The following CRACD variants were observed in gnomAD, a reference collection of about 807,000 sequenced individuals.
CRACD encodes capping protein-inhibiting regulator of actin dynamics.
A neutral mutation model predicts 106.8 loss-of-function variants in CRACD; 56 were observed. That is an observed-to-expected ratio of 0.52 (90% CI 0.42 to 0.66). The LOEUF is 0.66. Ranked by LOEUF, CRACD falls within the 30% of genes least tolerant of loss-of-function variation. CRACD has a pLI of 0.00. For missense variants in CRACD, 1,730 were observed against 1,623.2 expected (o/e 1.07, Z -1.13); for synonymous variants, 754 against 670.8 (o/e 1.12, Z -1.92).
At chr4:56,057,625 GTTT>G (rs1196589410) in intron 1 of CRACD, among the ~76,000 whole-genome samples, 1 of 125,054 alleles carries the variant, frequency 8.0e-6, no homozygotes. Flanking sequence ...GATAGGTTGG[GTTT>G]TTTTTTTTTT....
intron 3 of CRACD, among the ~76,000 whole-genome samples, chr4:56,280,863 C>G (rs1337613170): frequency 6.6e-6 from 1 of 152,184 alleles, no homozygotes; most frequent in African/African-American, 2.4e-5. Flanking sequence ...ATTGATTCAC[C>G]TGACCTTGCT....
At chr4:56,243,352 A>G (rs1417665600) in intron 2 of CRACD, among the ~76,000 whole-genome samples, 1 of 152,224 alleles carries the variant, frequency 6.6e-6, no homozygotes, top group Non-Finnish European at 1.5e-5. Flanking sequence ...TGGTGGAACA[A>G]CAAAATAGGA....
intron 1 of CRACD, among the ~76,000 whole-genome samples, chr4:56,087,700 G>A (rs1560447094): frequency 6.6e-6 from 1 of 152,128 alleles, no homozygotes; most frequent in African/African-American, 2.4e-5. Context: ...GGACATAACT[G>A]GTTCAATGCC....
At chr4:56,307,984 C>T (rs1190528607) in intron 5 of CRACD, among the ~76,000 whole-genome samples, 1 of 152,212 alleles carries the variant, frequency 6.6e-6, no homozygotes, top group Admixed American at 6.5e-5. Context: ...GGCCTCACCC[C>T]AAGCTGTACT....
intron 2 of CRACD, among the ~76,000 whole-genome samples, chr4:56,205,136 A>G (rs1425643194): frequency 6.6e-6 from 1 of 152,180 alleles, no homozygotes; most frequent in Non-Finnish European, 1.5e-5. Context: ...AGCCTTGGCA[A>G]CAGAGTAAGA....
intron 1 of CRACD, among the ~76,000 whole-genome samples, chr4:56,060,634 G>T (rs1732237907): frequency 6.6e-6 from 1 of 152,126 alleles, no homozygotes; most frequent in African/African-American, 2.4e-5. Flanking sequence ...ACAATTTGGA[G>T]AGATGGAAAA....
chr4:56,235,100 G>T (rs993528657), intron 2 of CRACD, among the ~76,000 whole-genome samples: 1 of 152,086 alleles, frequency 6.6e-6, no homozygotes, highest in African/African-American at 2.4e-5. Flanking sequence ...GATTTTAAAA[G>T]AAATAAAATG....
At chr4:56,109,314 A>G (rs981148838) in intron 1 of CRACD, among the ~76,000 whole-genome samples, 14 of 152,086 alleles carry the variant, frequency 9.2e-5, no homozygotes, top group African/African-American at 3.1e-4. Context: ...GATCATCTCT[A>G]TATCTAATTT....
chr4:56,097,064 G>T (rs1342379572), intron 1 of CRACD, among the ~76,000 whole-genome samples: 1 of 152,142 alleles, frequency 6.6e-6, no homozygotes, highest in African/African-American at 2.4e-5. Context: ...TAATGGATGA[G>T]GCCTGGTGCA....
intron 2 of CRACD, among the ~76,000 whole-genome samples, chr4:56,214,217 A>G (rs910198210): frequency 1.3e-5 from 2 of 152,160 alleles, no homozygotes; most frequent in African/African-American, 4.8e-5. Flanking sequence ...CTGTCACTCC[A>G]CATAATGAAA....
At chr4:56,104,865 G>A (rs1314104375) in intron 1 of CRACD, among the ~76,000 whole-genome samples, 1 of 151,728 alleles carries the variant, frequency 6.6e-6, no homozygotes, top group African/African-American at 2.4e-5. Flanking sequence ...TACTCGGGAG[G>A]CTGAGGCAGG....
chr4:56,152,997 G>T (rs1004258290), intron 1 of CRACD, among the ~76,000 whole-genome samples: 4 of 152,050 alleles, frequency 2.6e-5, no homozygotes, highest in African/African-American at 9.7e-5. Context: ...TACAATTCCT[G>T]GCCAGGTGCA....
intron 2 of CRACD, among the ~76,000 whole-genome samples, chr4:56,236,668 CAAT>C (rs1739984419): frequency 6.6e-6 from 1 of 150,388 alleles, no homozygotes; most frequent in Non-Finnish European, 1.5e-5. Context: ...AAAGAATGCT[CAAT>C]ACCTTGAAAA....
At position 56,330,336 on chromosome 4, in the gene CRACD, CATT is replaced by C. The variant is rs1746732487; in HGVS notation, c.*2537_*2539del. 6.6e-6 allele frequency among the ~76,000 whole-genome samples: 1 copy of C among 151,950 alleles called. No individual in the cohort carries two copies. The highest frequency in any genetic ancestry group is 6.6e-5 in the Admixed American group (1 of 15,262). ...CAAGTGCAATTGTTTCTTACACAGA[CATT>C]ATTACTATTAAATTATCATTTAGCC... On this transcript the variant is annotated 3_prime_UTR_variant, in exon 11 of 11. Transcript: ENST00000682029.
chr4:56,228,328 C>T (rs971034260), intron 2 of CRACD, among the ~76,000 whole-genome samples: 13 of 152,052 alleles, frequency 8.5e-5, no homozygotes, highest in Non-Finnish European at 5.9e-5. Context: ...GACTTCAGTA[C>T]GTTAAACTTA....
intron 1 of CRACD, among the ~76,000 whole-genome samples, chr4:56,174,872 G>A (rs1384043221): frequency 6.6e-6 from 1 of 152,144 alleles, no homozygotes; most frequent in East Asian, 1.9e-4. Context: ...ATGATTGGGA[G>A]GCCTCAAAAA....
At chr4:56,146,835 G>A (rs1735399868) in intron 1 of CRACD, among the ~76,000 whole-genome samples, 1 of 152,132 alleles carries the variant, frequency 6.6e-6, no homozygotes, top group African/African-American at 2.4e-5. Context: ...CTGCTCAGAA[G>A]TCAAAGCATG....
intron 1 of CRACD, among the ~76,000 whole-genome samples, chr4:56,059,992 C>A (rs1174915975): frequency 6.6e-6 from 1 of 152,146 alleles, no homozygotes; most frequent in African/African-American, 2.4e-5. Context: ...CCTATAACTT[C>A]TAACTTGAAA....
chr4:56,323,371 C>T lies in CRACD; in HGVS notation c.3188-6C>T, dbSNP rs368072451. 2.5e-6 allele frequency: 4 copies of T among 1,591,794 alleles called. No individual in the cohort carries two copies. Among genetic ancestry groups the T allele is most frequent in the Admixed American group, 1.9e-5 (1 of 51,826 alleles). On this transcript the variant is annotated splice_polypyrimidine_tract_variant and splice_region_variant and intron_variant, in intron 8 of 10. Coordinates refer to ENST00000682029, the MANE Select transcript of CRACD (RefSeq NM_001393381.1). ...TGCAAACCGTTCTTTGTCTTATTCCCCACAGAGAAGCCGATGCTTCAGAGC... is the reference window on the plus strand; with the variant it reads ...TGCAAACCGTTCTTTGTCTTATTCCTCACAGAGAAGCCGATGCTTCAGAGC...
Sources: gnomAD v4.1 joint callset for allele counts (sites outside exome capture counted in the v4.1 genomes callset) on GRCh38, gnomAD v4.1.1 for gene constraint, MANE v1.5 for transcripts, NCBI Gene and HGNC (gene_info 2026-07-23, HGNC 2026-07-21) for gene names.